The following GSE1 variants were observed in gnomAD, a reference collection of about 807,000 sequenced individuals.
GSE1 encodes genetic suppressor element 1.
A neutral mutation model predicts 112.6 loss-of-function variants in GSE1; 32 were observed. The observed-to-expected ratio is 0.28, with a 90% CI of 0.21 to 0.38. The LOEUF is 0.38. GSE1 is among the 10% of genes least tolerant of loss of function. The pLI, the probability that GSE1 is intolerant of heterozygous loss-of-function variation, is 1.00. For missense variants in GSE1, 2,348 were observed against 1,699.2 expected (o/e 1.38, Z -6.71); for synonymous variants, 1,115 against 735.6 (o/e 1.52, Z -8.35).
rs138752365 is a variant in GSE1, at chr16:85,459,901, G to A, written c.2464+102258G>A. Among the ~76,000 whole-genome samples, 326 of 152,328 alleles carry A rather than the reference G, an allele frequency of 2.1e-3. 2 individuals are homozygous for A. The highest frequency in any genetic ancestry group is 7.4e-3 in the African/African-American group (308 of 41,566). The stretch of plus-strand genomic sequence containing the variant: ...AAGCTGAGCGATTCCCCCAGCTCAC[G>A]CAGTGAGTGGATGGCCTGGTTGGAT... On this transcript the variant is annotated intron_variant, in intron 2 of 2. Coordinates refer to the GSE1 transcript ENST00000637419.
chr16:85,493,974 C>T (rs1312752565), intron 2 of GSE1, among the ~76,000 whole-genome samples: 2 of 151,864 alleles, frequency 1.3e-5, no homozygotes, highest in Non-Finnish European at 2.9e-5. Flanking sequence ...TCCCAGCTAC[C>T]TTGGGAGGCT....
intron 2 of GSE1, among the ~76,000 whole-genome samples, chr16:85,642,925 C>T (rs1598526586): frequency 6.6e-6 from 1 of 152,178 alleles, no homozygotes; most frequent in Non-Finnish European, 1.5e-5. Context: ...ACGCCCGCCT[C>T]GGTCTACAGT....
intron 7 of GSE1, 65 bp from the exon 8 acceptor site, chr16:85,657,212 G>C (rs550384929): frequency 8.8e-7 from 1 of 1,138,272 alleles, no homozygotes; most frequent in East Asian, 2.5e-5. Context: ...GGGTGAGAGA[G>C]GACGGGGAGG....
intron 2 of GSE1, among the ~76,000 whole-genome samples, chr16:85,362,960 C>G (rs1293071410): frequency 6.6e-6 from 1 of 151,784 alleles, no homozygotes; most frequent in East Asian, 1.9e-4. Flanking sequence ...CTCAGCCTCC[C>G]GAGTAGCTGG....
At chr16:85,590,365 G>A (rs921660351) in intron 1 of GSE1, among the ~76,000 whole-genome samples, 4 of 150,738 alleles carry the variant, frequency 2.7e-5, no homozygotes, top group Non-Finnish European at 4.4e-5. Flanking sequence ...TTGTGAATGA[G>A]TGTGAGTGTG....
chr16:85,209,800 C>A (rs1597806219), intron 1 of GSE1, among the ~76,000 whole-genome samples: 1 of 152,148 alleles, frequency 6.6e-6, no homozygotes, highest in Non-Finnish European at 1.5e-5. Context: ...GCTGAGGGGG[C>A]CGCTGGGAGA....
At chr16:85,258,069 C>T (rs1907270851) in intron 1 of GSE1, among the ~76,000 whole-genome samples, 1 of 152,220 alleles carries the variant, frequency 6.6e-6, no homozygotes, top group Admixed American at 6.5e-5. Flanking sequence ...CCAGTGCCCC[C>T]ATGGGCAAAA....
At chr16:85,525,816 A>G (rs566536654) in intron 2 of GSE1, among the ~76,000 whole-genome samples, 10 of 152,146 alleles carry the variant, frequency 6.6e-5, no homozygotes, top group Non-Finnish European at 1.2e-4. Flanking sequence ...TGCCACCCAC[A>G]TCCCACAGGG....
intron 2 of GSE1, among the ~76,000 whole-genome samples, chr16:85,382,775 A>G (rs534422521): frequency 6.6e-6 from 1 of 151,398 alleles, no homozygotes; most frequent in African/African-American, 2.4e-5. Context: ...ATGCACACCC[A>G]TGCATGCACA....
intron 1 of GSE1, among the ~76,000 whole-genome samples, chr16:85,631,307 C>T (rs2151725685): frequency 6.6e-6 from 1 of 152,378 alleles, no homozygotes; most frequent in South Asian, 2.1e-4. Context: ...CCAGTGTCCC[C>T]TGCAGGCACC....
intron 2 of GSE1, among the ~76,000 whole-genome samples, chr16:85,510,127 G>C (rs546822153): frequency 6.6e-6 from 1 of 152,320 alleles, no homozygotes; most frequent in East Asian, 1.9e-4. Flanking sequence ...GGAGCCCTCA[G>C]GGCTCCCTGC....
chr16:85,561,911 G>T (rs1372982004), intron 1 of GSE1, among the ~76,000 whole-genome samples: 3 of 152,212 alleles, frequency 2.0e-5, no homozygotes, highest in Non-Finnish European at 4.4e-5. Context: ...CACCTGGGTT[G>T]GGGGTGGTGT....
At chr16:85,217,288 A>G (rs923524960) in intron 1 of GSE1, among the ~76,000 whole-genome samples, 17 of 152,202 alleles carry the variant, frequency 1.1e-4, no homozygotes, top group Admixed American at 6.5e-4. Flanking sequence ...CAGGCCCTGG[A>G]CGGGATGTGC....
chr16:85,655,935 C>A lies in GSE1; in HGVS notation c.989+18C>A. On this transcript the variant is annotated intron_variant, in intron 6 of 15. Coordinates refer to ENST00000253458, the MANE Select transcript of GSE1 (RefSeq NM_014615.5). ...GCGGAGAGGTAAGTGCGTCTCGAGC[C>A]GAGGAGCCCCTCTGCCCTCCCTGTC... 6.3e-7 allele frequency: 1 copy of A among 1,583,420 alleles called. No individual in the cohort carries two copies. Among genetic ancestry groups the A allele is most frequent in the Non-Finnish European group, 8.6e-7 (1 of 1,168,588 alleles).
At chr16:85,524,543 G>T (rs550722399) in intron 2 of GSE1, among the ~76,000 whole-genome samples, 3 of 152,048 alleles carry the variant, frequency 2.0e-5, no homozygotes, top group African/African-American at 7.2e-5. Flanking sequence ...GGCTTGCCAC[G>T]TGTGGGAGGG....
chr16:85,532,709 A>C (rs72801144), intron 2 of GSE1, among the ~76,000 whole-genome samples: 30,503 of 152,194 alleles, frequency 0.2, 3,759 homozygotes, highest in African/African-American at 0.33. Flanking sequence ...GGAAGGCAGG[A>C]TGGGCCTGTG....
At chr16:85,304,012 T>G (rs2045596890) in intron 1 of GSE1, among the ~76,000 whole-genome samples, 1 of 152,108 alleles carries the variant, frequency 6.6e-6, no homozygotes, top group African/African-American at 2.4e-5. Context: ...AGGAGAAGGT[T>G]CCAGAAGCGA....
intron 1 of GSE1, among the ~76,000 whole-genome samples, chr16:85,557,964 T>A (rs1285373745): frequency 6.7e-6 from 1 of 150,160 alleles, no homozygotes; most frequent in Non-Finnish European, 1.5e-5. Flanking sequence ...ATTCTTGATC[T>A]TTTTTTTTTC....
intron 2 of GSE1, among the ~76,000 whole-genome samples, chr16:85,379,634 G>A (rs74034712): frequency 0.02 from 3,010 of 152,224 alleles, 105 homozygotes; most frequent in African/African-American, 0.069. Context: ...GTTTTCCTGT[G>A]GCCCCTCCCT....
Sources: allele counts gnomAD v4.1 joint callset (sites outside exome capture counted in the v4.1 genomes callset), GRCh38; gene constraint gnomAD v4.1.1; transcripts MANE v1.5; gene names NCBI Gene and HGNC (gene_info 2026-07-23, HGNC 2026-07-21).